Variants in SLC6A8 observed in about 807,000 individuals in gnomAD.
SLC6A8 encodes sodium- and chloride-dependent creatine transporter 1.
A neutral mutation model predicts 48.3 loss-of-function variants in SLC6A8; 6 were observed. The observed-to-expected ratio is 0.12, with a 90% confidence interval of 0.07 to 0.25. SLC6A8 has a LOEUF of 0.25. Among genes scored for constraint, SLC6A8 ranks in the 10% least tolerant of loss-of-function variants. The pLI is 1.00. For synonymous variants in SLC6A8, 245 were observed against 244.0 expected (o/e 1.00, Z -0.04); for missense variants, 260 against 551.5 (o/e 0.47, Z 5.29).
In SLC6A8 at chrX:153,694,349, G is replaced by C; in HGVS notation, c.1398G>C (p.Gly466=). The stretch of plus-strand genomic sequence containing the variant: ...GACTGGGCTCTGTCCCCCAGGGCGG[G>C]ATGTACGTCTTCCAGCTGTTTGACT... The part of the protein sequence containing the change: ...VIDLSMVTDG[G]MYVFQLFDYY... The change falls in exon 10 of 13, where the codon GGG becomes GGC. Residue 466 remains glycine (G), a synonymous_variant. Transcript: ENST00000253122. 8.3e-7 allele frequency: 1 copy of C among 1,211,252 alleles called. No individual in the cohort carries two copies. The highest frequency in any genetic ancestry group is 1.1e-6 in the Non-Finnish European group (1 of 895,041).
chrX:153,695,156 C>A lies in SLC6A8; in HGVS notation c.1850C>A (p.Thr617Asn), dbSNP rs2091482702. The change falls in exon 13 of 13, where the codon ACC (threonine) becomes AAC (asparagine). Residue 617 changes from threonine to asparagine, a missense_variant. By Grantham distance (65) the Thr-to-Asn change is moderately conservative. This residue lies in a region of SLC6A8 where 87 missense variants were observed against 120.9 expected (regional missense o/e 0.72). Coordinates refer to ENST00000253122, the MANE Select transcript of SLC6A8 (RefSeq NM_005629.4). ...CAGGACGCAGATGTCAGGGGCCTGA[C>A]CACCCTGACCCCAGTGTCCGAGAGC... ...RAQDADVRGLTTLTPVSESSK... is the reference protein window; with the variant it reads ...RAQDADVRGLNTLTPVSESSK... 2.5e-6 allele frequency: 3 copies of A among 1,195,428 alleles called. No individual in the cohort carries two copies. The highest frequency in any genetic ancestry group is 3.4e-6 in the Non-Finnish European group (3 of 886,292).
rs1557043736 is a variant in SLC6A8, at chrX:153,688,592, C to G, written c.18C>G (p.Ala6=). MAKKS[A]ENGIYSVSGD... The stretch of plus-strand genomic sequence containing the variant: ...CCGAGGCCATGGCGAAGAAGAGCGC[C>G]GAGAACGGCATCTATAGCGTGTCCG... Residue 6 remains alanine (A), a synonymous_variant, in exon 1 of 13, where the codon GCC becomes GCG. Coordinates refer to ENST00000253122, the MANE Select transcript of SLC6A8 (RefSeq NM_005629.4). The G allele has an allele frequency of 3.8e-6, 4 of 1,055,847 alleles. No individual in the cohort carries two copies. The highest frequency in any genetic ancestry group is 3.7e-4 in the Middle Eastern group (1 of 2,670). 87.0% of individuals were successfully genotyped at this position (1,055,847 alleles called of 1,213,427 possible). A position where few individuals can be genotyped will look rare whatever the true frequency, so the allele number is the denominator to read the frequency against.
At chrX:153,694,970 C>A in intron 12 of SLC6A8, 81 bp downstream of exon 12, 1 of 1,121,391 alleles carries the variant, frequency 8.9e-7, no homozygotes, top group East Asian at 3.4e-5. Flanking sequence ...GGGAGTGGCC[C>A]CGACTAGGGT....
rs371155660 is a variant in SLC6A8 at position 153,695,220 on chromosome X, C to T, written c.*6C>T. ...TGGTGGAGAGTGTCATGTGACAACT[C>T]AGCTCACATCACCAGCTCACCTCTG... On this transcript the variant is annotated 3_prime_UTR_variant, in exon 13 of 13. Coordinates refer to ENST00000253122, the MANE Select transcript of SLC6A8 (RefSeq NM_005629.4). 7.6e-6 allele frequency: 9 copies of T among 1,176,530 alleles called. No homozygotes were observed. The highest frequency in any genetic ancestry group is 1.0e-5 in the Non-Finnish European group (9 of 877,277).
rs782376311 is a variant in SLC6A8 at position 153,693,402 on chromosome X, TGCCCTGCCCC to T, written c.1016+46_1017-41del. 4.1e-6 allele frequency: 5 copies of T among 1,207,494 alleles called. No homozygotes were observed. In the African/African-American group the frequency reaches 5.2e-5, roughly 13 times the overall value. ...CCGCCCTGCCACCCGTGCCCTGTCCTGCCCTGCCCCGCCCTGCCCAGCAGCCTAACCCATC... is the reference window on the plus strand; with the variant it reads ...CCGCCCTGCCACCCGTGCCCTGTCCTGCCCTGCCCAGCAGCCTAACCCATC... On this transcript the variant is annotated intron_variant, in intron 6 of 12. Coordinates refer to ENST00000253122, the MANE Select transcript of SLC6A8 (RefSeq NM_005629.4).
At chrX:153,691,120 G>A (rs1267982511) in intron 2 of SLC6A8, 184 bp from the exon 3 acceptor site, 48 of 496,364 alleles carry the variant, frequency 9.7e-5, no homozygotes, top group Non-Finnish European at 1.4e-5. Context: ...GAGGAGACAG[G>A]CTGGGGAGTC....
chrX:153,692,959 C>T (rs782070662), intron 4 of SLC6A8, 82 bp from the exon 5 acceptor site: 11 of 1,139,610 alleles, frequency 9.7e-6, no homozygotes, highest in East Asian at 3.0e-5. Flanking sequence ...CATACCTGCC[C>T]GCAAGGGGGA....
chrX:153,693,806 G>A (rs1179608380), intron 7 of SLC6A8, 99 bp from the exon 8 acceptor site: 8 of 821,105 alleles, frequency 9.7e-6, no homozygotes, highest in Non-Finnish European at 1.4e-5. Context: ...CGCCTCTGAG[G>A]CAGGCGTGGG....
At position 153,696,286 on chromosome X, in the gene SLC6A8, T is replaced by G; in HGVS notation, c.*1072T>G. 2 of 312,951 alleles carry G rather than the reference T, an allele frequency of 6.4e-6. No homozygotes were observed. Among genetic ancestry groups the G allele is most frequent in the Non-Finnish European group, 1.3e-5 (2 of 159,133 alleles). 25.8% of individuals were successfully genotyped at this position (312,951 alleles called of 1,213,427 possible). A position where few individuals can be genotyped will look rare whatever the true frequency, so the allele number is the denominator to read the frequency against. On this transcript the variant is annotated 3_prime_UTR_variant, in exon 13 of 13. Coordinates refer to ENST00000253122, the MANE Select transcript of SLC6A8 (RefSeq NM_005629.4). ...GGGTGTCTGGGCTGCTAACCTGGCC[T>G]GCTCAGGCTTCCCACCCTGTGCGGG...
intron 7 of SLC6A8, 106 bp downstream of exon 7, chrX:153,693,692 C>T (rs1168571651): frequency 4.9e-5 from 49 of 990,123 alleles, no homozygotes; most frequent in East Asian, 6.2e-5. Context: ...AGGATTCAAA[C>T]GGAACTTGTC....
At position 153,695,207 on chromosome X, in the gene SLC6A8, T is replaced by A. The variant is rs1236176576; in HGVS notation, c.1901T>A (p.Val634Asp). 1 of 1,181,616 alleles carries A rather than the reference T, an allele frequency of 8.5e-7. No homozygotes were observed. Among genetic ancestry groups the A allele is most frequent in the African/African-American group, 1.8e-5 (1 of 56,170 alleles). Residue 634 changes from valine (V) to aspartate (D), a missense_variant, in exon 13 of 13, where the codon GTC becomes GAC. By Grantham distance (152) the Val-to-Asp change is radical. Transcript: ENST00000253122. The stretch of plus-strand genomic sequence containing the variant: ...AGCAAGGTCGTCGTGGTGGAGAGTG[T>A]CATGTGACAACTCAGCTCACATCAC... ...ESSKVVVVES[V>D]M
Position 153,688,628 on chromosome X carries a change from G to C in SLC6A8, c.54G>C (p.Lys18Asn), listed in dbSNP as rs1261794545. Residue 18 changes from lysine (K) to asparagine (N), a missense_variant, in exon 1 of 13, where the codon AAG becomes AAC. This residue lies in a region of SLC6A8 where 50 missense variants were observed against 55.1 expected (regional missense o/e 0.91). Coordinates refer to ENST00000253122, the MANE Select transcript of SLC6A8 (RefSeq NM_005629.4). ...TCTATAGCGTGTCCGGCGACGAGAAGAAGGGCCCCCTCATCGCGCCCGGGC... is the reference window on the plus strand; with the variant it reads ...TCTATAGCGTGTCCGGCGACGAGAACAAGGGCCCCCTCATCGCGCCCGGGC... ...NGIYSVSGDE[K>N]KGPLIAPGPD... 6.1e-5 allele frequency: 66 copies of C among 1,077,643 alleles called. No individual in the cohort carries two copies. The highest frequency in any genetic ancestry group is 7.9e-5 in the Non-Finnish European group (65 of 826,357). The allele number at this position is 1,077,643 out of a possible 1,213,427, so 88.8% of individuals were successfully genotyped here.
chrX:153,695,334 G>A lies in SLC6A8; in HGVS notation c.*120G>A. ...CACTTTTGGGGTCTGCCTGGGGGAG[G>A]AGGGGAGAAAGCACCATGAGTGCTC... On this transcript the variant is annotated 3_prime_UTR_variant, in exon 13 of 13. Coordinates refer to ENST00000253122, the MANE Select transcript of SLC6A8 (RefSeq NM_005629.4). 1.3e-6 allele frequency: 1 copy of A among 766,954 alleles called. No individual in the cohort carries two copies. The highest frequency in any genetic ancestry group is 2.0e-6 in the Non-Finnish European group (1 of 511,761). The allele number at this position is 766,954 out of a possible 1,213,427, so 63.2% of individuals were successfully genotyped here. A position where few individuals can be genotyped will look rare whatever the true frequency, so the allele number is the denominator to read the frequency against.
At chrX:153,695,028 C>G in intron 12 of SLC6A8, 46 bp from the exon 13 acceptor site, 1 of 1,176,845 alleles carries the variant, frequency 8.5e-7, no homozygotes, top group Non-Finnish European at 1.1e-6. Flanking sequence ...ACCGTGGGGA[C>G]GAGCAGGTGA....
intron 1 of SLC6A8, 74 bp downstream of exon 1, chrX:153,688,910 C>T: frequency 1.5e-6 from 1 of 673,231 alleles, no homozygotes; most frequent in Non-Finnish European, 2.0e-6. Flanking sequence ...GGAGCCGCCG[C>T]GGAGGGGTGA....
chrX:153,689,047 G>T (rs1307603329), intron 1 of SLC6A8: 2 of 128,708 alleles, frequency 1.6e-5, no homozygotes, highest in Admixed American at 1.8e-4. Context: ...ATGGTGGGGG[G>T]AGGGGGCCGG....
rs1453943896 is a variant in SLC6A8, at chrX:153,688,078, G to T, written c.-497G>T. ...GCCGCCGCCGCCACCACCGCCACCG[G>T]AGTCGCGGGCCAGCCGGGCAGCCTC... On this transcript the variant is annotated 5_prime_UTR_variant, in exon 1 of 13. Coordinates refer to ENST00000253122, the MANE Select transcript of SLC6A8 (RefSeq NM_005629.4). 2 of 97,660 alleles carry T rather than the reference G, an allele frequency of 2.0e-5. No individual in the cohort carries two copies. Among genetic ancestry groups the T allele is most frequent in the African/African-American group, 7.5e-5 (2 of 26,842 alleles). 8.0% of individuals were successfully genotyped at this position (97,660 alleles called of 1,213,427 possible). A position where few individuals can be genotyped will look rare whatever the true frequency, so the allele number is the denominator to read the frequency against.
chrX:153,693,194 G>C lies in SLC6A8; in HGVS notation c.912+19G>C, dbSNP rs782518872. 1.3e-5 allele frequency: 16 copies of C among 1,209,606 alleles called. No homozygotes were observed. Among genetic ancestry groups the C allele is most frequent in the Non-Finnish European group, 1.8e-5 (16 of 894,551 alleles). ...CCCTCAGGTGAGGTGGAGGTGGAGA[G>C]GCTGCAGCAGGGCGCTGCGGGGGAG... On this transcript the variant is annotated intron_variant, in intron 5 of 12. Transcript: ENST00000253122.
At position 153,688,223 on chromosome X, in the gene SLC6A8, G is replaced by GAGCCGCCGC. The variant is rs1401436567; in HGVS notation, c.-342_-334dup. ...TAGGCTGAGCCTCGGGTCGGGCGAG[G>GAGCCGCCGC]AGCCGCCGCAGCCGCCGCCGCCCGA... On this transcript the variant is annotated 5_prime_UTR_variant, in exon 1 of 13. Coordinates refer to ENST00000253122, the MANE Select transcript of SLC6A8 (RefSeq NM_005629.4). 2 of 99,424 alleles carry GAGCCGCCGC rather than the reference G, an allele frequency of 2.0e-5. No individual in the cohort carries two copies. The highest frequency in any genetic ancestry group is 3.6e-5 in the African/African-American group (1 of 27,759). The allele number at this position is 99,424 out of a possible 1,213,427, so 8.2% of individuals were successfully genotyped here. A position where few individuals can be genotyped will look rare whatever the true frequency, so the allele number is the denominator to read the frequency against.
Sources: allele counts gnomAD v4.1 joint callset, GRCh38; gene constraint gnomAD v4.1.1; regional missense constraint gnomAD v4.1.1; transcripts MANE v1.5; gene names NCBI Gene and HGNC (gene_info 2026-07-23, HGNC 2026-07-21).